Variants in FGF12 observed in about 807,000 individuals in gnomAD.
FGF12 encodes the protein fibroblast growth factor 12B.
A neutral mutation model predicts 23.6 loss-of-function variants in FGF12; 14 were observed. The ratio of observed to expected loss-of-function variants is 0.59; its 90% CI spans 0.39 to 0.93. The LOEUF (loss-of-function observed/expected upper bound fraction) is 0.93. Ranked by LOEUF, FGF12 falls within the 40% of genes least tolerant of loss-of-function variation. The pLI is 0.00. For synonymous variants in FGF12, 62 were observed against 77.3 expected (o/e 0.80, Z 1.04); for missense variants, 175 against 217.8 (o/e 0.80, Z 1.24).
At chr3:192,378,028 T>TCTC (rs10685325) in intron 2 of FGF12, among the ~76,000 whole-genome samples, 42 of 81,650 alleles carry the variant, frequency 5.1e-4, no homozygotes, top group Admixed American at 3.0e-3. Flanking sequence ...ACTCTTTCTT[T>TCTC]TCTTTCTTTC....
chr3:192,559,997 A>G lies in FGF12; in HGVS notation c.13+167184T>C, dbSNP rs1399450118. Among the ~76,000 whole-genome samples, 4 of 152,112 alleles carry G rather than the reference A, an allele frequency of 2.6e-5. No homozygotes were observed. The East Asian group carries it at 7.7e-4, about 29-fold the overall frequency. On this transcript the variant is annotated intron_variant, in intron 2 of 5. Coordinates refer to ENST00000445105, the MANE Select transcript of FGF12 (RefSeq NM_004113.6). Reference sequence around the variant, plus strand: ...AGATTCATTCATGATATACCATAAAATAAGTAGCAATAAATTTAAAAATAT... The same window carrying G: ...AGATTCATTCATGATATACCATAAAGTAAGTAGCAATAAATTTAAAAATAT...
chr3:192,322,145 T>A (rs1233238681), intron 4 of FGF12, among the ~76,000 whole-genome samples: 2 of 151,222 alleles, frequency 1.3e-5, no homozygotes, highest in African/African-American at 4.8e-5. Context: ...AAAATCAACA[T>A]ACAAAAATCG....
intron 2 of FGF12, among the ~76,000 whole-genome samples, chr3:192,546,517 A>T (rs1000343546): frequency 2.6e-5 from 4 of 151,822 alleles, no homozygotes; most frequent in African/African-American, 4.8e-5. Context: ...ATTTCGACAG[A>T]TAAAGAATAC....
chr3:192,603,407 C>T (rs1221061727), intron 2 of FGF12, among the ~76,000 whole-genome samples: 1 of 151,964 alleles, frequency 6.6e-6, no homozygotes. Context: ...AGCTGAGAGC[C>T]AAATCAAGTA....
intron 2 of FGF12, among the ~76,000 whole-genome samples, chr3:192,555,168 T>A (rs185570250): frequency 1.3e-5 from 2 of 152,172 alleles, no homozygotes; most frequent in East Asian, 3.9e-4. Flanking sequence ...GAAATGAATA[T>A]CCATATTCAA....
chr3:192,658,591 T>G (rs1385075321), intron 2 of FGF12, among the ~76,000 whole-genome samples: 1 of 152,150 alleles, frequency 6.6e-6, no homozygotes, highest in Non-Finnish European at 1.5e-5. Flanking sequence ...CTTGGCTTAT[T>G]TTGAAATAAT....
chr3:192,337,130 A>C lies in FGF12; in HGVS notation c.125-1666T>G, dbSNP rs528140031. On this transcript the variant is annotated intron_variant, in intron 3 of 5. Transcript: ENST00000445105. ...ACTAGACAAAGTCTAGTTGGGGAGA[A>C]AAAGCTAAGACATATGGAATAATAT... Among the ~76,000 whole-genome samples, 243 of 152,318 alleles carry C rather than the reference A, an allele frequency of 1.6e-3. 1 individual carries two copies. The highest frequency in any genetic ancestry group is 2.6e-3 in the Non-Finnish European group (176 of 68,028).
chr3:192,481,140 T>C (rs1163717416), intron 2 of FGF12, among the ~76,000 whole-genome samples: 1 of 152,198 alleles, frequency 6.6e-6, no homozygotes, highest in South Asian at 2.1e-4. Context: ...TTGTTCAGAA[T>C]ACTGCATATA....
At chr3:192,265,567 T>C (rs1169458647) in intron 4 of FGF12, among the ~76,000 whole-genome samples, 21 of 152,176 alleles carry the variant, frequency 1.4e-4, no homozygotes. Flanking sequence ...TTTTAGATAG[T>C]TCAGAAATTA....
rs372112942 is a variant in FGF12, at chr3:192,351,410, G to A, written c.124+9018C>T. Among the ~76,000 whole-genome samples, 4 of 152,304 alleles carry A rather than the reference G, an allele frequency of 2.6e-5. No homozygotes were observed. The East Asian group carries it at 7.7e-4, about 29-fold the overall frequency. On this transcript the variant is annotated intron_variant, in intron 3 of 5. Coordinates refer to ENST00000445105, the MANE Select transcript of FGF12 (RefSeq NM_004113.6). ...TCTGACTCACAGCCCAAGCTACTTT[G>A]TCTTACAATCGGTGATATTTAAGGG...
chr3:192,691,144 T>C (rs2108719894), intron 2 of FGF12, among the ~76,000 whole-genome samples: 1 of 152,170 alleles, frequency 6.6e-6, no homozygotes, highest in Non-Finnish European at 1.5e-5. Flanking sequence ...AAAATATCAA[T>C]CATAAACTAT....
intron 2 of FGF12, among the ~76,000 whole-genome samples, chr3:192,650,236 C>G (rs1380244397): frequency 2.6e-5 from 4 of 152,206 alleles, no homozygotes; most frequent in East Asian, 1.9e-4. Context: ...CCTTCAAAGG[C>G]CTTCCAGGAA....
chr3:192,312,063 C>A (rs1577343371), intron 4 of FGF12, among the ~76,000 whole-genome samples: 1 of 151,992 alleles, frequency 6.6e-6, no homozygotes, highest in East Asian at 1.9e-4. Context: ...ATTCTAGATA[C>A]AAATTTCTTA....
intron 2 of FGF12, among the ~76,000 whole-genome samples, chr3:192,665,066 T>C (rs1183878651): frequency 4.6e-5 from 7 of 152,214 alleles, no homozygotes; most frequent in Admixed American, 3.9e-4. Context: ...CCATGGTTTA[T>C]CTAAGGGTAA....
At chr3:192,383,435 A>C (rs544384669) in intron 2 of FGF12, among the ~76,000 whole-genome samples, 19 of 152,216 alleles carry the variant, frequency 1.2e-4, no homozygotes, top group African/African-American at 3.4e-4. Flanking sequence ...AAATAAAACA[A>C]GTTATTCTCA....
At chr3:192,200,906 A>G (rs74890189) in intron 4 of FGF12, among the ~76,000 whole-genome samples, 1 of 130,482 alleles carries the variant, frequency 7.7e-6, no homozygotes, top group Non-Finnish European at 1.5e-5. Flanking sequence ...CTTTTGTGTG[A>G]AAAAAAAAAA....
chr3:192,316,167 T>G (rs1716219064), intron 4 of FGF12, among the ~76,000 whole-genome samples: 1 of 152,014 alleles, frequency 6.6e-6, no homozygotes, highest in Admixed American at 6.6e-5. Flanking sequence ...AAATCCAGTT[T>G]AAAAAATAAT....
In FGF12 at chr3:192,144,014, T is replaced by C. The variant is rs780659108; in HGVS notation, c.541A>G (p.Thr181Ala). ...NGGKVVNQDS[T>A] ...AAGAAGGGGAGAGTTCTCAGCTATG[T>C]TGAATCTTGATTCACAACTTTGCCT... Residue 181 changes from threonine (T) to alanine (A), a missense_variant, in exon 6 of 6, where the codon ACA becomes GCA. By Grantham distance (58) the Thr-to-Ala change is moderately conservative. Coordinates refer to ENST00000445105, the MANE Select transcript of FGF12 (RefSeq NM_004113.6). 8.1e-6 allele frequency: 13 copies of C among 1,596,034 alleles called. No homozygotes were observed. The highest frequency in any genetic ancestry group is 1.3e-5 in the African/African-American group (1 of 74,650).
chr3:192,681,761 AT>A (rs1717535410), intron 2 of FGF12, among the ~76,000 whole-genome samples: 1 of 151,510 alleles, frequency 6.6e-6, no homozygotes, highest in African/African-American at 2.4e-5. Context: ...GCAATGATGT[AT>A]GCTCATCACC....
Sources: allele counts gnomAD v4.1 joint callset (sites outside exome capture counted in the v4.1 genomes callset), GRCh38; gene constraint gnomAD v4.1.1; transcripts MANE v1.5; gene names NCBI Gene and HGNC (gene_info 2026-07-23, HGNC 2026-07-21).